Variants in EXOC6B observed in about 807,000 individuals in gnomAD.
The protein encoded by EXOC6B is SEC15 homolog B.
A neutral mutation model predicts 113.5 loss-of-function variants in EXOC6B; 54 were observed. The observed-to-expected ratio is 0.48, with a 90% CI of 0.38 to 0.60. The LOEUF (loss-of-function observed/expected upper bound fraction) is 0.60. EXOC6B is among the 20% of genes least tolerant of loss of function. The pLI is 0.00. For missense variants in EXOC6B, 797 were observed against 977.5 expected (o/e 0.82, Z 2.46); for synonymous variants, 357 against 339.0 (o/e 1.05, Z -0.58).
intron 18 of EXOC6B, among the ~76,000 whole-genome samples, chr2:72,403,408 C>T (rs1693481488): frequency 6.6e-6 from 1 of 152,032 alleles, no homozygotes; most frequent in South Asian, 2.1e-4. Context: ...ACTCTAGGGC[C>T]CAGTGTGGTG....
chr2:72,216,817 C>A (rs557546727), intron 20 of EXOC6B, among the ~76,000 whole-genome samples: 1 of 152,028 alleles, frequency 6.6e-6, no homozygotes, highest in African/African-American at 2.4e-5. Flanking sequence ...AACCAAACAC[C>A]ACATGTTCTC....
chr2:72,549,538 A>T (rs1044486719), intron 8 of EXOC6B, among the ~76,000 whole-genome samples: 15 of 152,158 alleles, frequency 9.9e-5, no homozygotes, highest in African/African-American at 3.6e-4. Context: ...ATTATCTGAC[A>T]TAACTAAAAA....
chr2:72,672,314 T>C (rs1449663792), intron 6 of EXOC6B, among the ~76,000 whole-genome samples: 1 of 150,472 alleles, frequency 6.6e-6, no homozygotes, highest in Non-Finnish European at 1.5e-5. Context: ...TACATATCCA[T>C]CAATGGATAA....
intron 18 of EXOC6B, among the ~76,000 whole-genome samples, chr2:72,440,618 T>A (rs909640148): frequency 5.3e-5 from 8 of 152,118 alleles, no homozygotes; most frequent in African/African-American, 1.9e-4. Flanking sequence ...AGCAACCACA[T>A]AAACAAGTCT....
intron 1 of EXOC6B, among the ~76,000 whole-genome samples, chr2:72,793,288 T>A (rs960900097): frequency 6.6e-6 from 1 of 152,218 alleles, no homozygotes; most frequent in Non-Finnish European, 1.5e-5. Context: ...AGTGTGCATA[T>A]TGTGTTTCAC....
chr2:72,571,488 A>T (rs967121605), intron 7 of EXOC6B, among the ~76,000 whole-genome samples: 7 of 152,072 alleles, frequency 4.6e-5, no homozygotes, highest in Non-Finnish European at 8.8e-5. Flanking sequence ...TAGTTTTTTT[A>T]AAACAAAAAA....
intron 6 of EXOC6B, among the ~76,000 whole-genome samples, chr2:72,640,949 C>T (rs909844346): frequency 1.3e-5 from 2 of 152,212 alleles, no homozygotes; most frequent in Non-Finnish European, 2.9e-5. Context: ...GCACCCAACA[C>T]AGGATTAGCC....
intron 20 of EXOC6B, among the ~76,000 whole-genome samples, chr2:72,258,173 A>G (rs1448233927): frequency 6.6e-6 from 1 of 152,132 alleles, no homozygotes; most frequent in African/African-American, 2.4e-5. Flanking sequence ...GGCAGCAAGA[A>G]AACAGTGTTG....
At chr2:72,250,630 C>T (rs893020822) in intron 20 of EXOC6B, among the ~76,000 whole-genome samples, 1 of 151,808 alleles carries the variant, frequency 6.6e-6, no homozygotes, top group African/African-American at 2.4e-5. Flanking sequence ...AGGTGTATGT[C>T]ACTGCACCTA....
chr2:72,613,318 T>G (rs991601119), intron 6 of EXOC6B, among the ~76,000 whole-genome samples: 3 of 152,244 alleles, frequency 2.0e-5, no homozygotes, highest in Middle Eastern at 6.8e-3. Flanking sequence ...TTTTCACTTT[T>G]TTTAAGCCTA....
At chr2:72,519,254 G>A (rs1251751337) in intron 8 of EXOC6B, among the ~76,000 whole-genome samples, 1 of 152,090 alleles carries the variant, frequency 6.6e-6, no homozygotes, top group African/African-American at 2.4e-5. Flanking sequence ...GTAAACGGGT[G>A]TCATTTTCAT....
At chr2:72,509,029 T>C (rs1700759896) in intron 11 of EXOC6B, among the ~76,000 whole-genome samples, 1 of 152,106 alleles carries the variant, frequency 6.6e-6, no homozygotes, top group Non-Finnish European at 1.5e-5. Flanking sequence ...TCTCCCAGTA[T>C]GGCTATATTT....
intron 8 of EXOC6B, among the ~76,000 whole-genome samples, chr2:72,549,146 T>G (rs968615024): frequency 6.6e-6 from 1 of 152,194 alleles, no homozygotes; most frequent in Admixed American, 6.5e-5. Context: ...TAAAGTAAAG[T>G]AAGAAAATAT....
intron 8 of EXOC6B, among the ~76,000 whole-genome samples, chr2:72,545,525 C>G (rs1340033951): frequency 6.6e-6 from 1 of 151,872 alleles, no homozygotes; most frequent in Admixed American, 6.6e-5. Flanking sequence ...GAACAAGAAC[C>G]CTAAAATCTT....
At chr2:72,338,178 T>C (rs1298946818) in intron 19 of EXOC6B, among the ~76,000 whole-genome samples, 1 of 152,190 alleles carries the variant, frequency 6.6e-6, no homozygotes, top group African/African-American at 2.4e-5. Flanking sequence ...TCAATATCTT[T>C]ATCTCAAAAA....
intron 20 of EXOC6B, among the ~76,000 whole-genome samples, chr2:72,296,939 G>C (rs1348763071): frequency 6.6e-6 from 1 of 152,142 alleles, no homozygotes; most frequent in Non-Finnish European, 1.5e-5. Context: ...TTTTCTAAAT[G>C]AGATTTTCCA....
chr2:72,514,726 C>T, intron 9 of EXOC6B, 46 bp from the exon 10 acceptor site: 1 of 1,247,034 alleles, frequency 8.0e-7, no homozygotes, highest in South Asian at 1.4e-5. Context: ...TGTTTTGTTA[C>T]ATTAAGACTA....
chr2:72,458,191 A>G (rs1299362856), intron 18 of EXOC6B, among the ~76,000 whole-genome samples: 1 of 152,172 alleles, frequency 6.6e-6, no homozygotes, highest in African/African-American at 2.4e-5. Context: ...ATATGAAAAG[A>G]AAATATTTAT....
intron 1 of EXOC6B, among the ~76,000 whole-genome samples, chr2:72,802,514 A>G (rs1685343352): frequency 6.6e-6 from 1 of 152,172 alleles, no homozygotes; most frequent in Non-Finnish European, 1.5e-5. Flanking sequence ...ATAAATGTAT[A>G]TAAATGCATA....
Sources: gnomAD v4.1 joint callset for allele counts (sites outside exome capture counted in the v4.1 genomes callset) on GRCh38, gnomAD v4.1.1 for gene constraint, MANE v1.5 for transcripts, NCBI Gene and HGNC (gene_info 2026-07-23, HGNC 2026-07-21) for gene names.